Variants in RANBP17 observed in about 807,000 individuals in gnomAD.
The protein encoded by RANBP17 is RAN binding protein 17, also known as ran-binding protein 17.
RANBP17 carries 158 observed loss-of-function variants against 141.2 expected under a neutral mutation model. That is an observed-to-expected ratio of 1.12 (90% confidence interval 0.98 to 1.28). The LOEUF (loss-of-function observed/expected upper bound fraction) is 1.28. Ranked by LOEUF, RANBP17 falls within the 50% of genes most tolerant of loss-of-function variation. The probability of loss-of-function intolerance (pLI) is 0.00; values close to 1 mark genes in which losing one functional copy is unlikely to be tolerated. For synonymous variants in RANBP17, 430 were observed against 450.0 expected (o/e 0.96, Z 0.56); for missense variants, 1,438 against 1,290.7 (o/e 1.11, Z -1.75).
chr5:170,931,999 G>A (rs1486557590), intron 12 of RANBP17, among the ~76,000 whole-genome samples: 3 of 152,158 alleles, frequency 2.0e-5, no homozygotes, highest in South Asian at 4.1e-4. Flanking sequence ...ACCTTGGGCA[G>A]TATGGCCATT....
chr5:171,188,510 C>A (rs1761416975), intron 18 of RANBP17, among the ~76,000 whole-genome samples: 1 of 152,194 alleles, frequency 6.6e-6, no homozygotes, highest in Non-Finnish European at 1.5e-5. Context: ...GTTGTCCAAG[C>A]ATTAAAGAGA....
intron 14 of RANBP17, among the ~76,000 whole-genome samples, chr5:171,079,501 T>A (rs1785133333): frequency 3.3e-5 from 5 of 152,214 alleles, no homozygotes; most frequent in African/African-American, 1.2e-4. Flanking sequence ...CAGAGGAATT[T>A]TTTGTGAAAA....
chr5:171,285,787 A>T (rs954756871), intron 25 of RANBP17, among the ~76,000 whole-genome samples: 2 of 152,256 alleles, frequency 1.3e-5, no homozygotes, highest in Non-Finnish European at 2.9e-5. Flanking sequence ...CATCTCTGCC[A>T]TTGAAATGAA....
At position 170,935,086 on chromosome 5, in the gene RANBP17, A is replaced by T. The variant is rs201141658; in HGVS notation, c.1468+10536A>T. 3.3e-5 allele frequency among the ~76,000 whole-genome samples: 5 copies of T among 152,086 alleles called. No individual in the cohort carries two copies. The East Asian group carries it at 9.7e-4, about 29-fold the overall frequency. On this transcript the variant is annotated intron_variant, in intron 12 of 27. Coordinates refer to ENST00000523189, the MANE Select transcript of RANBP17 (RefSeq NM_022897.5). The stretch of plus-strand genomic sequence containing the variant: ...TTCAATCACTGATATCCTTTCTTCC[A>T]TTTGATCAAATCTACTGAAGCTTGT...
rs753026043 is a variant in RANBP17, at chr5:170,878,098, G to A, written c.20G>A (p.Ser7Asn). 3.2e-6 allele frequency: 5 copies of A among 1,544,310 alleles called. No homozygotes were observed. The highest frequency in any genetic ancestry group is 4.4e-6 in the Non-Finnish European group (5 of 1,146,876). Reference sequence around the variant, plus strand: ...ATGTTAATTTTTTTTTCTTTGAAGAGTTTGGCTGAATTGGAAGTGTTATGT... The same window carrying A: ...ATGTTAATTTTTTTTTCTTTGAAGAATTTGGCTGAATTGGAAGTGTTATGT... Reference protein sequence around the residue: MALHFQSLAELEVLCTH... With the variant: MALHFQNLAELEVLCTH... Residue 7 changes from serine to asparagine, a missense_variant and splice_region_variant, in exon 2 of 28, where the codon AGT (serine) becomes AAT (asparagine). Coordinates refer to ENST00000523189, the MANE Select transcript of RANBP17 (RefSeq NM_022897.5).
chr5:171,060,763 G>A (rs1391513896), intron 14 of RANBP17, among the ~76,000 whole-genome samples: 1 of 151,950 alleles, frequency 6.6e-6, no homozygotes, highest in Non-Finnish European at 1.5e-5. Context: ...TGTACCTCTG[G>A]TAGAATTCGG....
chr5:170,997,350 C>T (rs79214107), intron 14 of RANBP17, among the ~76,000 whole-genome samples: 2,564 of 152,164 alleles, frequency 0.017, 67 homozygotes, highest in African/African-American at 0.058. Flanking sequence ...TTCAATCCAG[C>T]GTCCTGTATC....
intron 25 of RANBP17, among the ~76,000 whole-genome samples, chr5:171,276,487 A>G (rs1303889881): frequency 6.6e-6 from 1 of 152,230 alleles, no homozygotes. Flanking sequence ...TCTTTAAACT[A>G]AAAAATATGA....
chr5:170,997,755 G>A (rs889523784), intron 14 of RANBP17, among the ~76,000 whole-genome samples: 4 of 152,064 alleles, frequency 2.6e-5, no homozygotes, highest in African/African-American at 7.2e-5. Flanking sequence ...CCTTTATGTT[G>A]TGAATGGAAA....
intron 22 of RANBP17, among the ~76,000 whole-genome samples, chr5:171,238,150 A>G (rs1218517569): frequency 2.0e-5 from 3 of 152,156 alleles, no homozygotes; most frequent in African/African-American, 7.2e-5. Context: ...AAAATAGTAT[A>G]TTAATTACTG....
Position 170,868,908 on chromosome 5 carries a change from C to T in RANBP17, c.18+6857C>T, listed in dbSNP as rs75353500. ...ATATTGTGGGCTTAATTGCTTTATA[C>T]GTCTAGATAATACCTTTCTACCAGG... On this transcript the variant is annotated intron_variant, in intron 1 of 27. Coordinates refer to ENST00000523189, the MANE Select transcript of RANBP17 (RefSeq NM_022897.5). 7.5e-3 allele frequency among the ~76,000 whole-genome samples: 1,137 copies of T among 152,226 alleles called. 13 individuals are homozygous for T. Among genetic ancestry groups the T allele is most frequent in the African/African-American group, 0.026 (1,076 of 41,532 alleles).
chr5:171,179,119 T>G (rs993283212), intron 16 of RANBP17, among the ~76,000 whole-genome samples: 1 of 152,076 alleles, frequency 6.6e-6, no homozygotes, highest in African/African-American at 2.4e-5. Context: ...CTGAATGGTA[T>G]TGCCTAGGTT....
At chr5:171,196,302 C>A (rs780807583) in intron 18 of RANBP17, among the ~76,000 whole-genome samples, 35 of 152,198 alleles carry the variant, frequency 2.3e-4, no homozygotes, top group Non-Finnish European at 4.0e-4. Context: ...CTTGACTTCT[C>A]CCTGCACATT....
At chr5:171,045,993 T>C (rs1782556241) in intron 14 of RANBP17, among the ~76,000 whole-genome samples, 1 of 152,160 alleles carries the variant, frequency 6.6e-6, no homozygotes, top group Non-Finnish European at 1.5e-5. Flanking sequence ...AACTGGTTTC[T>C]TTCACTCAGC....
chr5:171,281,724 A>T (rs920035264), intron 25 of RANBP17, among the ~76,000 whole-genome samples: 1 of 152,220 alleles, frequency 6.6e-6, no homozygotes, highest in African/African-American at 2.4e-5. Context: ...ATGAAGTTAC[A>T]TGTGTGCACC....
intron 14 of RANBP17, among the ~76,000 whole-genome samples, chr5:171,094,623 A>G (rs1471657700): frequency 6.6e-6 from 1 of 152,144 alleles, no homozygotes; most frequent in Admixed American, 6.5e-5. Flanking sequence ...TTAACTTTTT[A>G]CTATTCCCAC....
intron 22 of RANBP17, among the ~76,000 whole-genome samples, chr5:171,233,890 G>T (rs916580524): frequency 6.6e-6 from 1 of 152,188 alleles, no homozygotes; most frequent in Non-Finnish European, 1.5e-5. Context: ...CTATGACATT[G>T]ACTGATAATG....
rs1041619361 is a variant in RANBP17 at position 171,140,076 on chromosome 5, G to A, written c.1711-30054G>A. Among the ~76,000 whole-genome samples, 11 of 152,070 alleles carry A rather than the reference G, an allele frequency of 7.2e-5. No homozygotes were observed. The South Asian group carries it at 1.7e-3, about 23-fold the overall frequency. On this transcript the variant is annotated intron_variant, in intron 14 of 27. Transcript: ENST00000523189. ...TTTCTCCCAACCTTCCCCTTTCACC[G>A]TTATTTCCTGCTTACCCCTCAGCTC... is the stretch of plus-strand genomic sequence containing the variant.
Position 170,961,748 on chromosome 5 carries a change from C to T in RANBP17, c.1575-6494C>T, listed in dbSNP as rs148390361. ...AGCATTTCACAAAAGGAATACTTAA[C>T]CTGTATATATTGGTATGTATAGGCA... On this transcript the variant is annotated intron_variant, in intron 13 of 27. Transcript: ENST00000523189. Among the ~76,000 whole-genome samples the T allele has an allele frequency of 1.7e-3, 253 of 152,222 alleles. 2 individuals carry two copies. Among genetic ancestry groups the T allele is most frequent in the African/African-American group, 6.0e-3 (248 of 41,528 alleles).
Sources: gnomAD v4.1 joint callset for allele counts (sites outside exome capture counted in the v4.1 genomes callset) on GRCh38, gnomAD v4.1.1 for gene constraint, MANE v1.5 for transcripts, NCBI Gene and HGNC (gene_info 2026-07-23, HGNC 2026-07-21) for gene names.